Variants in TAFA1 observed in about 807,000 individuals in gnomAD.
TAFA1 encodes the protein TAFA chemokine like family member 1, also known as chemokine-like protein TAFA-1.
Under a neutral mutation model 18.5 loss-of-function variants are expected in TAFA1, and 4 were observed. The ratio of observed to expected loss-of-function variants is 0.22; its 90% CI spans 0.11 to 0.49. The LOEUF (loss-of-function observed/expected upper bound fraction) is 0.49. Ranked by LOEUF, TAFA1 falls within the 20% of genes least tolerant of loss-of-function variation. The probability of loss-of-function intolerance (pLI) is 0.98; values close to 1 mark genes in which losing one functional copy is unlikely to be tolerated. For missense variants in TAFA1, 147 were observed against 169.0 expected, an observed-to-expected ratio of 0.87 and a Z score of 0.72; for synonymous variants, 56 against 55.2, an observed-to-expected ratio of 1.01 and a Z score of -0.06.
At chr3:68,321,093 G>A (rs1007379387) in intron 2 of TAFA1, among the ~76,000 whole-genome samples, 1 of 152,190 alleles carries the variant, frequency 6.6e-6, no homozygotes, top group African/African-American at 2.4e-5. Context: ...ACTGTGTTAT[G>A]TCAAGTCAAT....
chr3:68,135,372 G>T lies in TAFA1; in HGVS notation c.118+128628G>T, dbSNP rs116413769. On this transcript the variant is annotated intron_variant, in intron 2 of 4. Coordinates refer to ENST00000478136, the MANE Select transcript of TAFA1 (RefSeq NM_213609.4). Reference sequence around the variant, plus strand: ...TTCTTTGACATTGTCCCAGGACTCAGTGGTAGGGCAGGCACATGCTTTGCA... The same window carrying T: ...TTCTTTGACATTGTCCCAGGACTCATTGGTAGGGCAGGCACATGCTTTGCA... 6.5e-3 allele frequency among the ~76,000 whole-genome samples: 988 copies of T among 152,322 alleles called. 7 individuals carry two copies. Among genetic ancestry groups the T allele is most frequent in the African/African-American group, 0.023 (951 of 41,574 alleles).
intron 2 of TAFA1, among the ~76,000 whole-genome samples, chr3:68,405,764 T>A (rs986241013): frequency 3.8e-5 from 3 of 78,762 alleles, no homozygotes; most frequent in African/African-American, 8.7e-5. Context: ...GAGTATGCAA[T>A]GGAAAGAACA....
chr3:68,212,972 C>T (rs917595554), intron 2 of TAFA1, among the ~76,000 whole-genome samples: 6 of 151,674 alleles, frequency 4.0e-5, no homozygotes, highest in East Asian at 3.9e-4. Flanking sequence ...CACATTCCCT[C>T]GCGTTAACCC....
chr3:68,258,952 A>T (rs1191558277), intron 2 of TAFA1, among the ~76,000 whole-genome samples: 2 of 152,188 alleles, frequency 1.3e-5, no homozygotes, highest in African/African-American at 2.4e-5. Flanking sequence ...TCTGATCAAG[A>T]GTGCCCACGC....
At chr3:68,357,326 A>T (rs1206012804) in intron 2 of TAFA1, among the ~76,000 whole-genome samples, 2 of 151,902 alleles carry the variant, frequency 1.3e-5, no homozygotes, top group Non-Finnish European at 2.9e-5. Context: ...ATTTGTTATC[A>T]CTTTAACCAT....
At chr3:68,315,033 A>G (rs1026184312) in intron 2 of TAFA1, among the ~76,000 whole-genome samples, 1 of 152,044 alleles carries the variant, frequency 6.6e-6, no homozygotes, top group Non-Finnish European at 1.5e-5. Context: ...TCTCTGTTAA[A>G]GAGAACTTCA....
chr3:68,235,176 C>G (rs1438234078), intron 2 of TAFA1, among the ~76,000 whole-genome samples: 2 of 152,118 alleles, frequency 1.3e-5, no homozygotes, highest in African/African-American at 4.8e-5. Flanking sequence ...TGTGGAGAGA[C>G]TTTGAGTTCA....
chr3:68,532,382 A>G lies in TAFA1; in HGVS notation c.260-6374A>G, dbSNP rs2073201219. Among the ~76,000 whole-genome samples the G allele has an allele frequency of 2.6e-5, 4 of 152,136 alleles. No homozygotes were observed. The South Asian group carries it at 8.3e-4, about 32-fold the overall frequency. ...AAGAATAAATGGTAGCCTGTGGTAA[A>G]AGTTTCTCTGTCAGACTTTAAAAGT... On this transcript the variant is annotated intron_variant, in intron 3 of 4. Transcript: ENST00000478136.
intron 2 of TAFA1, among the ~76,000 whole-genome samples, chr3:68,037,360 G>T (rs1442120869): frequency 6.6e-6 from 1 of 152,154 alleles, no homozygotes; most frequent in East Asian, 1.9e-4. Flanking sequence ...CGAAGAATTT[G>T]TACTTTTATC....
chr3:68,246,057 G>A (rs895829892), intron 2 of TAFA1, among the ~76,000 whole-genome samples: 1 of 152,124 alleles, frequency 6.6e-6, no homozygotes, highest in African/African-American at 2.4e-5. Flanking sequence ...AGTCAACGAC[G>A]ATGTCCGGTA....
intron 2 of TAFA1, among the ~76,000 whole-genome samples, chr3:68,396,367 G>A (rs2070383723): frequency 6.6e-6 from 1 of 152,096 alleles, no homozygotes; most frequent in South Asian, 2.1e-4. Flanking sequence ...AGTATCCCTG[G>A]TGTCCCTTCT....
At chr3:68,414,403 A>AT (rs2070773464) in intron 2 of TAFA1, among the ~76,000 whole-genome samples, 1 of 152,160 alleles carries the variant, frequency 6.6e-6, no homozygotes, top group African/African-American at 2.4e-5. Flanking sequence ...TTCTAAGCCA[A>AT]GTGTCAAACA....
chr3:68,072,295 G>C (rs557986600), intron 2 of TAFA1, among the ~76,000 whole-genome samples: 1 of 152,168 alleles, frequency 6.6e-6, no homozygotes, highest in Admixed American at 6.5e-5. Context: ...AAGCAGCCTC[G>C]TGTGGCTTGA....
chr3:68,088,293 G>T (rs2064994289), intron 2 of TAFA1, among the ~76,000 whole-genome samples: 1 of 152,114 alleles, frequency 6.6e-6, no homozygotes, highest in Non-Finnish European at 1.5e-5. Flanking sequence ...GTGCTATCAG[G>T]CTCAGAATTT....
chr3:68,346,142 TG>T (rs2069161017), intron 2 of TAFA1, among the ~76,000 whole-genome samples: 1 of 152,276 alleles, frequency 6.6e-6, no homozygotes, highest in South Asian at 2.1e-4. Flanking sequence ...TTAAGTTTTG[TG>T]TGTGTGTTTG....
intron 3 of TAFA1, among the ~76,000 whole-genome samples, chr3:68,529,005 T>C (rs1413499774): frequency 6.6e-6 from 1 of 152,118 alleles, no homozygotes; most frequent in Non-Finnish European, 1.5e-5. Context: ...CCCTTTGATA[T>C]AGGCACTATT....
intron 3 of TAFA1, among the ~76,000 whole-genome samples, chr3:68,430,356 A>G (rs928442746): frequency 5.9e-5 from 9 of 151,994 alleles, no homozygotes; most frequent in African/African-American, 1.9e-4. Context: ...GTGGAAGCCC[A>G]TAGGACAATG....
chr3:68,287,771 C>T (rs1391619739), intron 2 of TAFA1, among the ~76,000 whole-genome samples: 2 of 152,062 alleles, frequency 1.3e-5, no homozygotes, highest in Admixed American at 6.6e-5. Flanking sequence ...TTTATCCTTC[C>T]GTCCGTGACG....
chr3:68,530,940 T>C (rs2106773161), intron 3 of TAFA1, among the ~76,000 whole-genome samples: 1 of 152,198 alleles, frequency 6.6e-6, no homozygotes, highest in South Asian at 2.1e-4. Context: ...CAAAAGCCAA[T>C]ATATTTTTTT....
Sources: gnomAD v4.1 joint callset for allele counts (sites outside exome capture counted in the v4.1 genomes callset) on GRCh38, gnomAD v4.1.1 for gene constraint, MANE v1.5 for transcripts, NCBI Gene and HGNC (gene_info 2026-07-23, HGNC 2026-07-21) for gene names.